Variants in ATP6V1C2 observed in about 807,000 individuals in gnomAD.
ATP6V1C2 encodes V-type proton ATPase subunit C 2.
Under a neutral mutation model 56.8 loss-of-function variants are expected in ATP6V1C2, and 45 were observed. The observed-to-expected ratio is 0.79, with a 90% CI of 0.62 to 1.02. The LOEUF (loss-of-function observed/expected upper bound fraction) is 1.02, where lower values mean the gene tolerates loss of function less well. Ranked by LOEUF, ATP6V1C2 falls within the 50% of genes least tolerant of loss-of-function variation. The probability of loss-of-function intolerance (pLI) is 0.00; values close to 1 mark genes in which losing one functional copy is unlikely to be tolerated. For missense variants in ATP6V1C2, 463 were observed against 519.7 expected, an observed-to-expected ratio of 0.89 and a Z score of 1.06; for synonymous variants, 220 against 201.3, an observed-to-expected ratio of 1.09 and a Z score of -0.79.
chr2:10,742,024 C>G (rs1471131647), intron 3 of ATP6V1C2, among the ~76,000 whole-genome samples: 1 of 152,054 alleles, frequency 6.6e-6, no homozygotes, highest in Non-Finnish European at 1.5e-5. Flanking sequence ...GTTCTCCTGC[C>G]TCAGCCTCCC....
chr2:10,783,440 G>C lies in ATP6V1C2; in HGVS notation c.*177G>C. The C allele has an allele frequency of 2.0e-6, 1 of 511,248 alleles. No individual in the cohort carries two copies. The highest frequency in any genetic ancestry group is 3.5e-6 in the Non-Finnish European group (1 of 287,890). 31.7% of individuals were successfully genotyped at this position (511,248 alleles called of 1,614,324 possible). A position where few individuals can be genotyped will look rare whatever the true frequency, so the allele number is the denominator to read the frequency against. Reference sequence around the variant, plus strand: ...TTAAGTTACAATAAAATGCTCTCAAGTCCTTTGAATGTTCCAACAAATTCA... The same window carrying C: ...TTAAGTTACAATAAAATGCTCTCAACTCCTTTGAATGTTCCAACAAATTCA... On this transcript the variant is annotated 3_prime_UTR_variant, in exon 14 of 14. Transcript: ENST00000272238.
intron 3 of ATP6V1C2, among the ~76,000 whole-genome samples, chr2:10,747,787 G>A (rs1399250662): frequency 6.6e-6 from 1 of 151,686 alleles, no homozygotes; most frequent in African/African-American, 2.4e-5. Flanking sequence ...CCTGTCTTCT[G>A]TCATAAATTG....
At chr2:10,764,700 G>T (rs1437406143) in intron 5 of ATP6V1C2, among the ~76,000 whole-genome samples, 2 of 152,196 alleles carry the variant, frequency 1.3e-5, no homozygotes, top group African/African-American at 4.8e-5. Context: ...GGCCGGGCAC[G>T]GTGGCTTACG....
chr2:10,729,552 C>T (rs535844989), intron 3 of ATP6V1C2, among the ~76,000 whole-genome samples: 10 of 152,094 alleles, frequency 6.6e-5, no homozygotes, highest in South Asian at 4.1e-4. Flanking sequence ...TTCTGGATAA[C>T]GTAGTAATAG....
chr2:10,735,122 A>G (rs940441442), intron 3 of ATP6V1C2, among the ~76,000 whole-genome samples: 4 of 152,216 alleles, frequency 2.6e-5, no homozygotes, highest in African/African-American at 7.2e-5. Flanking sequence ...CATAAATAAA[A>G]TATCTTGTTA....
rs1347477747 is a variant in ATP6V1C2 at position 10,763,764 on chromosome 2, G to A, written c.284-567G>A. On this transcript the variant is annotated intron_variant, in intron 4 of 13. Coordinates refer to ENST00000272238, the MANE Select transcript of ATP6V1C2 (RefSeq NM_001039362.2). This position sits in a 1 kb window ranked among gnomAD's most constrained non-coding sequence, Gnocchi z 4.2. ...AAGAGAGCAGGCAAGGTGCCACTCC[G>A]CTGTGTCTCAGGTAGGGAAATTGAT... Among the ~76,000 whole-genome samples, 2 of 152,176 alleles carry A rather than the reference G, an allele frequency of 1.3e-5. No homozygotes were observed. Among genetic ancestry groups the A allele is most frequent in the Admixed American group, 1.3e-4 (2 of 15,278 alleles).
Position 10,771,832 on chromosome 2 carries a change from C to CT in ATP6V1C2, c.471-3dup, listed in dbSNP as rs756943635. ...CTTTCACACCCTTTGTTCCACCTGC[C>CT]TTTTAGGGGGAACCTCTTCACCCGG... On this transcript the variant is annotated splice_polypyrimidine_tract_variant and splice_region_variant and intron_variant, in intron 6 of 13. Coordinates refer to ENST00000272238, the MANE Select transcript of ATP6V1C2 (RefSeq NM_001039362.2). 7 of 1,611,352 alleles carry CT rather than the reference C, an allele frequency of 4.3e-6. No individual in the cohort carries two copies. The Admixed American group carries it at 1.0e-4, about 23-fold the overall frequency.
At chr2:10,749,405 G>C (rs1421902775) in intron 3 of ATP6V1C2, among the ~76,000 whole-genome samples, 1 of 152,090 alleles carries the variant, frequency 6.6e-6, no homozygotes, top group Admixed American at 6.6e-5. Context: ...ATCCACAGAA[G>C]AAGAAAATAG....
Position 10,782,314 on chromosome 2 carries a change from G to A in ATP6V1C2, c.1133G>A (p.Arg378Lys), listed in dbSNP as rs190796287. The change falls in exon 13 of 14, where the codon AGA (arginine) becomes AAA (lysine). Residue 378 changes from arginine (R) to lysine (K), a missense_variant. Arg to Lys is a conservative substitution (Grantham distance 26). Transcript: ENST00000272238. ...PHKKSSTKRL[R>K]EVLNSVFRHL... is the part of the protein sequence containing the mutation. ...AAGAAGTCATCCACCAAGCGTTTAA[G>A]AGAGGTTCTAAACTCTGTCTTCCGA... 1 of 1,614,220 alleles carries A rather than the reference G, an allele frequency of 6.2e-7. No individual in the cohort carries two copies. Among genetic ancestry groups the A allele is most frequent in the African/African-American group, 1.3e-5 (1 of 75,058 alleles).
intron 1 of ATP6V1C2, among the ~76,000 whole-genome samples, chr2:10,722,438 C>T (rs1028747866): frequency 1.3e-5 from 2 of 152,160 alleles, no homozygotes; most frequent in Non-Finnish European, 2.9e-5. Context: ...ACGCCTTCCT[C>T]CACCCCATCC....
At chr2:10,724,741 A>C (rs1386509537) in intron 2 of ATP6V1C2, among the ~76,000 whole-genome samples, 32 of 147,816 alleles carry the variant, frequency 2.2e-4, no homozygotes, top group Non-Finnish European at 1.5e-5. Context: ...GGTGCAATCT[A>C]GGCTCACTGC....
At chr2:10,767,159 C>CTTTTTTT (rs33943682) in intron 5 of ATP6V1C2, among the ~76,000 whole-genome samples, 12 of 109,328 alleles carry the variant, frequency 1.1e-4, no homozygotes, top group East Asian at 2.8e-4. Context: ...CATTTTTTAT[C>CTTTTTTT]TTTTTTTTTT....
chr2:10,743,897 A>G (rs1662703898), intron 3 of ATP6V1C2, among the ~76,000 whole-genome samples: 1 of 151,892 alleles, frequency 6.6e-6, no homozygotes, highest in Admixed American at 6.6e-5. Flanking sequence ...AGGCAGGAGA[A>G]TAGCTGGAAC....
At chr2:10,729,820 C>G (rs974732558) in intron 3 of ATP6V1C2, among the ~76,000 whole-genome samples, 2 of 152,098 alleles carry the variant, frequency 1.3e-5, no homozygotes, top group Admixed American at 1.3e-4. Flanking sequence ...GTGCCACTGC[C>G]CTCCAGCCTG....
intron 3 of ATP6V1C2, among the ~76,000 whole-genome samples, chr2:10,730,606 G>GT (rs1661893272): frequency 1.2e-5 from 1 of 82,272 alleles, no homozygotes; most frequent in Non-Finnish European, 3.3e-5. Flanking sequence ...GTTCACAGTG[G>GT]GTTTTTTTTT....
chr2:10,779,744 G>A (rs1665235146), intron 12 of ATP6V1C2, among the ~76,000 whole-genome samples: 1 of 150,534 alleles, frequency 6.6e-6, no homozygotes, highest in African/African-American at 2.4e-5. Context: ...TAGGTAAGCA[G>A]AGTGAGTAAA....
At chr2:10,772,468 C>T in intron 7 of ATP6V1C2, 74 bp from the exon 8 acceptor site, 1 of 1,286,600 alleles carries the variant, frequency 7.8e-7, no homozygotes. Flanking sequence ...AAGGGGTGTG[C>T]AGCTTCCTAG....
chr2:10,759,100 C>T (rs1006776637), intron 4 of ATP6V1C2, among the ~76,000 whole-genome samples: 7 of 152,232 alleles, frequency 4.6e-5, no homozygotes, highest in African/African-American at 1.7e-4. Flanking sequence ...GCATTTTAAT[C>T]CTATCTCCTC....
Position 10,726,509 on chromosome 2 carries a change from C to T in ATP6V1C2, c.137C>T (p.Thr46Ile). The T allele has an allele frequency of 6.2e-7, 1 of 1,613,792 alleles. No homozygotes were observed. Residue 46 changes from threonine to isoleucine, a missense_variant, in exon 3 of 14, where the codon ACC (threonine) becomes ATC (isoleucine). Transcript: ENST00000272238. ...KFAIPDFKVG[T>I]LDSLVGLSDE... The stretch of plus-strand genomic sequence containing the variant: ...TTTTTATGATCTGTCTAGGTGGGGA[C>T]CTTGGATTCCCTGGTTGGCCTCTCT...
Sources: allele counts gnomAD v4.1 joint callset (sites outside exome capture counted in the v4.1 genomes callset), GRCh38; gene constraint gnomAD v4.1.1; non-coding constraint Gnocchi (gnomAD v3.1); transcripts MANE v1.5; gene names NCBI Gene and HGNC (gene_info 2026-07-23, HGNC 2026-07-21).